VPS13B: variants seen among roughly 807,000 people sequenced by gnomAD.
VPS13B encodes the protein intermembrane lipid transfer protein VPS13B.
VPS13B carries 285 observed loss-of-function variants against 426.4 expected under a neutral mutation model. The ratio of observed to expected loss-of-function variants is 0.67; its 90% CI spans 0.61 to 0.74. The LOEUF is 0.74. VPS13B is among the 30% of genes least tolerant of loss of function. The pLI is 0.00. For synonymous variants in VPS13B, 1,676 were observed against 1,676.4 expected, an observed-to-expected ratio of 1.00 and a Z score of 0.01; for missense variants, 4,537 against 4,782.6, an observed-to-expected ratio of 0.95 and a Z score of 1.51.
intron 43 of VPS13B, among the ~76,000 whole-genome samples, chr8:99,790,947 T>G (rs1477702350): frequency 6.6e-6 from 1 of 152,120 alleles, no homozygotes; most frequent in Non-Finnish European, 1.5e-5. Context: ...CTGTATGCTG[T>G]GCTAAGAAGT....
At chr8:99,195,719 T>G (rs987421263) in intron 17 of VPS13B, among the ~76,000 whole-genome samples, 1 of 152,228 alleles carries the variant, frequency 6.6e-6, no homozygotes, top group African/African-American at 2.4e-5. Flanking sequence ...CTTTAATCCC[T>G]TCTGAATTGG....
chr8:99,391,652 A>G lies in VPS13B; in HGVS notation c.3030A>G (p.Ser1010=), dbSNP rs749186173. 1.1e-5 allele frequency: 18 copies of G among 1,614,074 alleles called. No individual in the cohort carries two copies. Among genetic ancestry groups the G allele is most frequent in the Admixed American group, 5.0e-5 (3 of 60,004 alleles). The change falls in exon 21 of 62, where the codon TCA becomes TCG. Residue 1010 remains serine (S), a synonymous_variant. Transcript: ENST00000357162. ...GTGCCCCCTTGGCAAAGCAGCAATCATATCAGGCCTCTGAATATGCCAGCA... is the reference window on the plus strand; with the variant it reads ...GTGCCCCCTTGGCAAAGCAGCAATCGTATCAGGCCTCTGAATATGCCAGCA... ...IGSAPLAKQQ[S]YQASEYASSP...
At chr8:99,135,299 T>C (rs1810016319) in intron 10 of VPS13B, among the ~76,000 whole-genome samples, 162 bp downstream of exon 10, 1 of 152,066 alleles carries the variant, frequency 6.6e-6, no homozygotes, top group Non-Finnish European at 1.5e-5. Context: ...AAATTATAGA[T>C]CTCAGGGAAG....
At chr8:99,339,401 G>T (rs2133180120) in intron 19 of VPS13B, among the ~76,000 whole-genome samples, 1 of 152,122 alleles carries the variant, frequency 6.6e-6, no homozygotes, top group South Asian at 2.1e-4. Context: ...AAGAGAGAAT[G>T]GAGGGGGAGT....
intron 34 of VPS13B, 37 bp from the exon 35 acceptor site, chr8:99,661,317 G>T (rs777425730): frequency 6.2e-7 from 1 of 1,612,256 alleles, no homozygotes; most frequent in Non-Finnish European, 8.5e-7. Context: ...TATTTGTGAT[G>T]TAACTGATGT....
chr8:99,072,356 A>T (rs1844894439), intron 3 of VPS13B, among the ~76,000 whole-genome samples: 1 of 152,092 alleles, frequency 6.6e-6, no homozygotes, highest in Non-Finnish European at 1.5e-5. Flanking sequence ...CTGGCCCAGG[A>T]TGGTCTAGCA....
intron 39 of VPS13B, among the ~76,000 whole-genome samples, chr8:99,740,274 A>G (rs1809634661): frequency 1.3e-5 from 2 of 152,196 alleles, no homozygotes; most frequent in Admixed American, 1.3e-4. Context: ...GTTTAGAGAA[A>G]AAAGAATAAA....
intron 30 of VPS13B, among the ~76,000 whole-genome samples, chr8:99,526,958 C>A (rs1200482814): frequency 6.6e-6 from 1 of 152,058 alleles, no homozygotes; most frequent in African/African-American, 2.4e-5. Context: ...TACTGATATG[C>A]CACTTCAGAG....
At chr8:99,379,368 G>A (rs369138375) in intron 19 of VPS13B, among the ~76,000 whole-genome samples, 3 of 152,086 alleles carry the variant, frequency 2.0e-5, no homozygotes, top group Admixed American at 6.5e-5. Context: ...GGGCGGGGGG[G>A]CAACAGAACT....
intron 19 of VPS13B, among the ~76,000 whole-genome samples, chr8:99,309,170 A>G (rs2133092481): frequency 6.6e-6 from 1 of 152,230 alleles, no homozygotes; most frequent in East Asian, 1.9e-4. Context: ...TGCTGTGCAG[A>G]AGCTCTTTAG....
chr8:99,842,333 G>A (rs1197039441), intron 54 of VPS13B, among the ~76,000 whole-genome samples: 1 of 152,118 alleles, frequency 6.6e-6, no homozygotes, highest in Admixed American at 6.5e-5. Context: ...GAGACTAGGT[G>A]CAATGGCTTA....
intron 33 of VPS13B, among the ~76,000 whole-genome samples, chr8:99,638,266 G>A (rs1226485035): frequency 6.6e-6 from 1 of 152,060 alleles, no homozygotes; most frequent in African/African-American, 2.4e-5. Flanking sequence ...CCTGCTAGCT[G>A]TCTGACCTTG....
chr8:99,318,584 A>G (rs570309335), intron 19 of VPS13B, among the ~76,000 whole-genome samples: 186 of 152,164 alleles, frequency 1.2e-3, no homozygotes, highest in African/African-American at 4.2e-3. Context: ...CAGTGGCATG[A>G]TCTCAGTTCA....
chr8:99,068,916 G>T (rs1212433252), intron 3 of VPS13B, among the ~76,000 whole-genome samples: 3 of 152,110 alleles, frequency 2.0e-5, no homozygotes, highest in African/African-American at 7.2e-5. Flanking sequence ...AGCCTAAATG[G>T]CTTGCAAGCC....
chr8:99,089,538 G>T (rs545754394), intron 3 of VPS13B, among the ~76,000 whole-genome samples: 6 of 152,160 alleles, frequency 3.9e-5, no homozygotes, highest in Admixed American at 3.3e-4. Flanking sequence ...TAGGAGGAAG[G>T]GGCTTCCAAG....
At chr8:99,524,230 G>T (rs1365007526) in intron 30 of VPS13B, among the ~76,000 whole-genome samples, 2 of 152,038 alleles carry the variant, frequency 1.3e-5, no homozygotes, top group Non-Finnish European at 2.9e-5. Context: ...CACCTACAAG[G>T]TCTATAAAAT....
At chr8:99,319,458 C>T (rs1483138575) in intron 19 of VPS13B, among the ~76,000 whole-genome samples, 1 of 152,136 alleles carries the variant, frequency 6.6e-6, no homozygotes, top group Non-Finnish European at 1.5e-5. Flanking sequence ...AAGTAATTAT[C>T]TACAGGTTTT....
At chr8:99,272,241 T>TA (rs1291919804) in intron 17 of VPS13B, among the ~76,000 whole-genome samples, 1 of 152,094 alleles carries the variant, frequency 6.6e-6, no homozygotes, top group Admixed American at 6.5e-5. Context: ...GAAGCAAAAT[T>TA]ACGTTGGTGG....
intron 17 of VPS13B, among the ~76,000 whole-genome samples, chr8:99,241,707 A>T (rs556977405): frequency 9.9e-5 from 15 of 152,084 alleles, no homozygotes; most frequent in African/African-American, 3.6e-4. Flanking sequence ...GAAAGAAGCA[A>T]TTTTTTTTGT....
Sources: gnomAD v4.1 joint callset for allele counts (sites outside exome capture counted in the v4.1 genomes callset) on GRCh38, gnomAD v4.1.1 for gene constraint, MANE v1.5 for transcripts, NCBI Gene and HGNC (gene_info 2026-07-23, HGNC 2026-07-21) for gene names.